Variants in LMLN observed in about 807,000 individuals in gnomAD.
The protein encoded by LMLN is leishmanolysin-like peptidase.
In LMLN, 70 loss-of-function variants were observed where a neutral mutation model predicts 92.3. The observed-to-expected ratio is 0.76, with a 90% CI of 0.63 to 0.92. The LOEUF is 0.92. LMLN is among the 40% of genes least tolerant of loss of function. The pLI, the probability that LMLN is intolerant of heterozygous loss-of-function variation, is 0.00. For synonymous variants in LMLN, 308 were observed against 296.2 expected, an observed-to-expected ratio of 1.04 and a Z score of -0.41; for missense variants, 691 against 814.6, an observed-to-expected ratio of 0.85 and a Z score of 1.85.
intron 9 of LMLN, chr3:197,994,619 C>G (rs1421616406): frequency 6.6e-6 from 1 of 152,076 alleles, no homozygotes; most frequent in Non-Finnish European, 1.5e-5. Context: ...GCTTTGGCAG[C>G]ACAAAGACTA....
At chr3:198,010,840 C>T (rs2109916636) in intron 11 of LMLN, among the ~76,000 whole-genome samples, 1 of 152,178 alleles carries the variant, frequency 6.6e-6, no homozygotes, top group South Asian at 2.1e-4. Flanking sequence ...ATAAATTTTC[C>T]TCTTAGCATT....
In LMLN at chr3:198,019,462, C is replaced by A. The variant is rs1722723863; in HGVS notation, c.1365+77C>A. ...TCCATTTTAACTAAAAGAGTAAATT[C>A]TCTTAAGATTCTTAATTTATAAGGC... On this transcript the variant is annotated intron_variant, in intron 12 of 15. Coordinates refer to ENST00000330198, the Ensembl canonical transcript of LMLN. This position sits in a 1 kb window ranked among gnomAD's most constrained non-coding sequence, Gnocchi z 5.5. 2.2e-6 allele frequency: 3 copies of A among 1,375,344 alleles called. No individual in the cohort carries two copies. Among genetic ancestry groups the A allele is most frequent in the Non-Finnish European group, 2.9e-6 (3 of 1,018,360 alleles). 85.2% of individuals were successfully genotyped at this position (1,375,344 alleles called of 1,614,324 possible). A position where few individuals can be genotyped will look rare whatever the true frequency, so the allele number is the denominator to read the frequency against.
intron 11 of LMLN, among the ~76,000 whole-genome samples, chr3:198,012,010 A>AAGG (rs758809626): frequency 3.2e-4 from 49 of 152,358 alleles, no homozygotes; most frequent in Non-Finnish European, 6.2e-4. Context: ...ATCTACAATG[A>AAGG]ACTCAAACAA....
chr3:198,028,283 G>A (rs551693895), intron 14 of LMLN, among the ~76,000 whole-genome samples: 3 of 151,976 alleles, frequency 2.0e-5, no homozygotes, highest in South Asian at 2.1e-4. Flanking sequence ...ATCATCATCC[G>A]AAGTCCATGT....
chr3:197,981,597 A>T (rs1721559164), intron 6 of LMLN, among the ~76,000 whole-genome samples: 1 of 152,258 alleles, frequency 6.6e-6, no homozygotes, highest in Non-Finnish European at 1.5e-5. Flanking sequence ...CATTTACAAA[A>T]GATTTCAAAC....
chr3:198,028,825 A>C (rs1215050333), intron 14 of LMLN, among the ~76,000 whole-genome samples: 1 of 152,226 alleles, frequency 6.6e-6, no homozygotes, highest in Non-Finnish European at 1.5e-5. Flanking sequence ...ATCCTTCTAA[A>C]GATAAACTCT....
At chr3:197,976,461 C>T in intron 4 of LMLN, 137 bp from the exon 5 acceptor site, 1 of 553,718 alleles carries the variant, frequency 1.8e-6, no homozygotes. Flanking sequence ...CAAATTCTTT[C>T]TTAGCTACTT....
intron 13 of LMLN, among the ~76,000 whole-genome samples, chr3:198,023,851 A>C (rs6605316): frequency 0.22 from 32,996 of 152,180 alleles, 5,949 homozygotes; most frequent in African/African-American, 0.5. Flanking sequence ...CGTTAAAGTA[A>C]TGCGAAAACC....
exon 16 of LMLN, chr3:198,043,107 A>G (rs1355114691): frequency 6.7e-6 from 1 of 148,580 alleles, no homozygotes; most frequent in Non-Finnish European, 1.5e-5. Context: ...AATATATCAA[A>G]GTATTTCATA....
intron 14 of LMLN, among the ~76,000 whole-genome samples, chr3:198,034,075 C>T (rs1723146784): frequency 6.6e-6 from 1 of 152,184 alleles, no homozygotes; most frequent in Admixed American, 6.5e-5. Context: ...TTGTGTCACA[C>T]GTTGTCTTAA....
intron 1 of LMLN, among the ~76,000 whole-genome samples, chr3:197,963,270 CAT>C (rs1720958860): frequency 6.6e-6 from 1 of 150,412 alleles, no homozygotes; most frequent in Admixed American, 6.6e-5. Flanking sequence ...GTGGCAGAAT[CAT>C]AGCTCACAGC....
chr3:198,035,910 C>T, exon 15 of LMLN: 1 of 1,614,062 alleles, frequency 6.2e-7, no homozygotes, highest in Non-Finnish European at 8.5e-7. Context: ...GGCAGGTCCT[C>T]CCTGTCAGTA....
exon 16 of LMLN, chr3:198,038,623 C>A (rs1215019718): frequency 6.2e-7 from 1 of 1,614,104 alleles, no homozygotes; most frequent in East Asian, 2.2e-5. Context: ...GCTAGGCAAT[C>A]TGTTTCCTCT....
intron 11 of LMLN, among the ~76,000 whole-genome samples, chr3:198,015,088 C>G (rs564929081): frequency 6.7e-6 from 1 of 150,164 alleles, no homozygotes; most frequent in South Asian, 2.1e-4. Context: ...TCTGACTTCT[C>G]TGTACCCTTC....
Position 198,003,141 on chromosome 3 carries a change from C to T in LMLN, c.1232+3799C>T. The T allele has an allele frequency of 7.3e-7, 1 of 1,362,978 alleles. No homozygotes were observed. The highest frequency in any genetic ancestry group is 1.0e-6 in the Non-Finnish European group (1 of 976,338). 84.4% of individuals were successfully genotyped at this position (1,362,978 alleles called of 1,614,324 possible). A position where few individuals can be genotyped will look rare whatever the true frequency, so the allele number is the denominator to read the frequency against. ...AGAGACAAAAGTAAGAATGCATTTC[C>T]TCACAGTGTCACTGATTACACAGTT... On this transcript the variant is annotated intron_variant, in intron 11 of 15. Coordinates refer to ENST00000330198, the Ensembl canonical transcript of LMLN.
intron 1 of LMLN, 94 bp from the exon 2 acceptor site, chr3:197,974,283 T>TAGA: frequency 1.5e-6 from 1 of 685,294 alleles, no homozygotes; most frequent in South Asian, 1.8e-5. Context: ...CTCTGGGTAT[T>TAGA]ACACTTGAAA....
At position 197,976,023 on chromosome 3, in the gene LMLN, A is replaced by G. The variant is rs371413120; in HGVS notation, c.349-6A>G. 54 of 1,518,446 alleles carry G rather than the reference A, an allele frequency of 3.6e-5. No individual in the cohort carries two copies. The highest frequency in any genetic ancestry group is 4.6e-5 in the Non-Finnish European group (51 of 1,118,232). 94.1% of individuals were successfully genotyped at this position (1,518,446 alleles called of 1,614,324 possible). On this transcript the variant is annotated splice_region_variant and splice_polypyrimidine_tract_variant and intron_variant, in intron 3 of 15. Transcript: ENST00000330198. Reference sequence around the variant, plus strand: ...CTGTTTCTTTTTTTTTTTAACTTTTATTTAGAACAAGCTTTTCCCACAAGC... The same window carrying G: ...CTGTTTCTTTTTTTTTTTAACTTTTGTTTAGAACAAGCTTTTCCCACAAGC...
intron 10 of LMLN, among the ~76,000 whole-genome samples, chr3:197,997,943 G>C (rs1215411274): frequency 6.6e-6 from 1 of 152,184 alleles, no homozygotes; most frequent in Non-Finnish European, 1.5e-5. Flanking sequence ...CCCAGGATGG[G>C]GTTTCAGGTG....
chr3:198,001,597 G>T (rs1722173936), intron 11 of LMLN, among the ~76,000 whole-genome samples: 2 of 152,188 alleles, frequency 1.3e-5, no homozygotes, highest in South Asian at 4.1e-4. Flanking sequence ...TACCAAGTTA[G>T]CTAGTAACGT....
Sources: gnomAD v4.1 joint callset for allele counts (sites outside exome capture counted in the v4.1 genomes callset) on GRCh38, gnomAD v4.1.1 for gene constraint, Gnocchi (gnomAD v3.1) non-coding constraint, MANE v1.5 for transcripts, NCBI Gene and HGNC (gene_info 2026-07-23, HGNC 2026-07-21) for gene names.